ARAP2: variants seen among roughly 807,000 people sequenced by gnomAD.
ARAP2 encodes the protein ArfGAP with RhoGAP domain, ankyrin repeat and PH domain 2.
Under a neutral mutation model 194.5 loss-of-function variants are expected in ARAP2, and 148 were observed. That is an observed-to-expected ratio of 0.76 (90% CI 0.67 to 0.87). ARAP2 has a LOEUF of 0.87. Among genes scored for constraint, ARAP2 ranks in the 40% least tolerant of loss-of-function variants. The pLI is 0.00. For synonymous variants in ARAP2, 695 were observed against 683.5 expected (o/e 1.02, Z -0.26); for missense variants, 2,128 against 1,989.7 (o/e 1.07, Z -1.32).
At chr4:36,218,503 A>G (rs1748480038) in intron 2 of ARAP2, among the ~76,000 whole-genome samples, 1 of 152,214 alleles carries the variant, frequency 6.6e-6, no homozygotes, top group African/African-American at 2.4e-5. Flanking sequence ...CAATGAGGAA[A>G]GTATGGTCTT....
chr4:36,011,158 T>C (rs1052250167), intron 9 of ARAP2, among the ~76,000 whole-genome samples: 1 of 152,168 alleles, frequency 6.6e-6, no homozygotes, highest in African/African-American at 2.4e-5. Context: ...TGGACTTGTC[T>C]TGTGAGTGAG....
At chr4:36,196,342 T>C in intron 6 of ARAP2, among the ~76,000 whole-genome samples, 1 of 152,124 alleles carries the variant, frequency 6.6e-6, no homozygotes, top group East Asian at 1.9e-4. Context: ...ACTCATGTGT[T>C]AGGCTTAAGG....
chr4:36,026,387 A>G (rs915658135), intron 5 of ARAP2, among the ~76,000 whole-genome samples: 2 of 152,202 alleles, frequency 1.3e-5, no homozygotes, highest in Non-Finnish European at 2.9e-5. Flanking sequence ...CACAAGGATC[A>G]CTACCTTCTC....
intron 21 of ARAP2, among the ~76,000 whole-genome samples, chr4:36,126,533 G>T (rs1208388515): frequency 6.6e-6 from 1 of 151,924 alleles, no homozygotes; most frequent in East Asian, 1.9e-4. Flanking sequence ...CTCTACCTCA[G>T]GTATACAGTA....
At chr4:36,156,513 G>GAAGC (rs1732577326) in intron 15 of ARAP2, among the ~76,000 whole-genome samples, 1 of 150,486 alleles carries the variant, frequency 6.6e-6, no homozygotes, top group South Asian at 2.1e-4. Context: ...AAGGAGGGAG[G>GAAGC]AAGGAAGGAA....
chr4:36,049,167 T>C (rs1722278731), intron 3 of ARAP2, among the ~76,000 whole-genome samples: 1 of 152,156 alleles, frequency 6.6e-6, no homozygotes, highest in South Asian at 2.1e-4. Context: ...CTTTGAGATT[T>C]TGATAGGAAC....
intron 15 of ARAP2, chr4:36,157,541 CAA>C (rs1732853711): frequency 6.6e-6 from 1 of 152,178 alleles, no homozygotes; most frequent in African/African-American, 2.4e-5. Flanking sequence ...TGACCAAAGC[CAA>C]AGTGCTCCTG....
intron 8 of ARAP2, among the ~76,000 whole-genome samples, chr4:36,184,105 A>G (rs777698926): frequency 3.9e-5 from 6 of 152,196 alleles, no homozygotes; most frequent in Admixed American, 6.5e-5. Context: ...TTCCCACAAA[A>G]TAAAAGATAG....
downstream of ARAP2, among the ~76,000 whole-genome samples, chr4:36,063,368 T>TAATG (rs1724784228): frequency 6.6e-6 from 1 of 151,182 alleles, no homozygotes; most frequent in Non-Finnish European, 1.5e-5. Context: ...AATGACAAGT[T>TAATG]AATGGGTGCA....
At chr4:36,181,986 A>T (rs529363362) in intron 8 of ARAP2, among the ~76,000 whole-genome samples, 6 of 152,352 alleles carry the variant, frequency 3.9e-5, no homozygotes, top group Non-Finnish European at 7.3e-5. Flanking sequence ...CCAGCTGAGG[A>T]GCAGGCTGGA....
chr4:36,018,587 T>C (rs1716316601), intron 6 of ARAP2, among the ~76,000 whole-genome samples: 1 of 152,218 alleles, frequency 6.6e-6, no homozygotes, highest in Non-Finnish European at 1.5e-5. Context: ...CTGAGGTATT[T>C]AGCAAATAAA....
rs149435808 is a variant in ARAP2, at chr4:36,159,479, C to T, written c.2469G>A (p.Pro823=). 159 of 1,582,190 alleles carry T rather than the reference C, an allele frequency of 1.0e-4. 3 individuals carry two copies. The highest frequency in any genetic ancestry group is 8.6e-4 in the South Asian group (75 of 86,860). Residue 823 remains proline, a synonymous_variant, in exon 14 of 33, where the codon CCG becomes CCA. Transcript: ENST00000303965. ...GCAAAGCCATTGTTTCTAGAACATC[C>T]GGTTTCACTACAGCAGCACATAGAG... ...NKALCAAVVK[P]DVLETMALLF...
intron 2 of ARAP2, among the ~76,000 whole-genome samples, chr4:36,220,216 C>T (rs1255781408): frequency 1.3e-5 from 2 of 151,496 alleles, no homozygotes; most frequent in African/African-American, 4.9e-5. Flanking sequence ...CAGATTTTTA[C>T]ATATAGGCAC....
chr4:36,241,048 G>A (rs1446204549), intron 1 of ARAP2, among the ~76,000 whole-genome samples: 1 of 152,134 alleles, frequency 6.6e-6, no homozygotes. Context: ...TAAGATTTGA[G>A]AATTTTTAAA....
chr4:36,154,538 C>A (rs1464140407), intron 15 of ARAP2, among the ~76,000 whole-genome samples: 3 of 151,888 alleles, frequency 2.0e-5, no homozygotes, highest in Admixed American at 6.6e-5. Flanking sequence ...GAAAACAAAA[C>A]CAGGATGCTA....
At chr4:36,073,573 A>C (rs1426820834) in intron 32 of ARAP2, 116 bp downstream of exon 32, 24 of 1,197,990 alleles carry the variant, frequency 2.0e-5, no homozygotes, top group Non-Finnish European at 2.8e-5. Context: ...CATGCTTTAC[A>C]AAGTGATTAT....
chr4:36,080,691 T>C (rs1316571436), intron 30 of ARAP2, among the ~76,000 whole-genome samples: 1 of 152,182 alleles, frequency 6.6e-6, no homozygotes, highest in Non-Finnish European at 1.5e-5. Flanking sequence ...GGCTGAGACA[T>C]AGTCTCCATC....
chr4:36,030,902 C>T (rs561361062), intron 5 of ARAP2, among the ~76,000 whole-genome samples: 15 of 149,186 alleles, frequency 1.0e-4, no homozygotes, highest in Middle Eastern at 3.4e-3. Flanking sequence ...GAGGCCTAGT[C>T]GGGTGGATCA....
At chr4:36,180,280 C>T (rs1447948874) in intron 8 of ARAP2, among the ~76,000 whole-genome samples, 2 of 151,646 alleles carry the variant, frequency 1.3e-5, no homozygotes, top group Non-Finnish European at 2.9e-5. Flanking sequence ...CCCCCCGCTC[C>T]CCCGCCAAAA....
Sources: gnomAD v4.1 joint callset for allele counts (sites outside exome capture counted in the v4.1 genomes callset) on GRCh38, gnomAD v4.1.1 for gene constraint, MANE v1.5 for transcripts, NCBI Gene and HGNC (gene_info 2026-07-23, HGNC 2026-07-21) for gene names.